The following RGS3 variants were observed in gnomAD, a reference collection of about 807,000 sequenced individuals.
RGS3 encodes the protein regulator of G-protein signalling 3.
Under a neutral mutation model 132.6 loss-of-function variants are expected in RGS3, and 80 were observed. That is an observed-to-expected ratio of 0.60 (90% CI 0.50 to 0.73). The LOEUF (loss-of-function observed/expected upper bound fraction) is 0.73. Ranked by LOEUF, RGS3 falls within the 30% of genes least tolerant of loss-of-function variation. The probability of loss-of-function intolerance (pLI) is 0.00; values close to 1 mark genes in which losing one functional copy is unlikely to be tolerated. For synonymous variants in RGS3, 598 were observed against 620.6 expected (o/e 0.96, Z 0.54); for missense variants, 1,382 against 1,530.8 (o/e 0.90, Z 1.62).
chr9:113,585,646 G>A (rs908203817), intron 20 of RGS3, among the ~76,000 whole-genome samples: 1 of 152,246 alleles, frequency 6.6e-6, no homozygotes, highest in African/African-American at 2.4e-5. Context: ...CAGAGAGGTA[G>A]AGGCAAGCAT....
chr9:113,480,475 AAAAG>A (rs1388749517), intron 4 of RGS3, among the ~76,000 whole-genome samples: 2 of 151,978 alleles, frequency 1.3e-5, no homozygotes, highest in Non-Finnish European at 2.9e-5. Context: ...AAAAAAAAAA[AAAAG>A]AAAACCATAC....
At chr9:113,589,396 G>T (rs530509567) in intron 20 of RGS3, among the ~76,000 whole-genome samples, 2 of 152,158 alleles carry the variant, frequency 1.3e-5, no homozygotes, top group Non-Finnish European at 2.9e-5. Flanking sequence ...CAGCAGCCCA[G>T]GGGGCTGACT....
At chr9:113,518,240 G>A (rs1046052314) in intron 16 of RGS3, among the ~76,000 whole-genome samples, 13 of 152,226 alleles carry the variant, frequency 8.5e-5, no homozygotes, top group Non-Finnish European at 1.5e-4. Context: ...AGAAGTTGGA[G>A]CCCTGGGCTC....
At chr9:113,535,701 G>T (rs1832648962) in intron 18 of RGS3, among the ~76,000 whole-genome samples, 1 of 151,144 alleles carries the variant, frequency 6.6e-6, no homozygotes, top group East Asian at 1.9e-4. Flanking sequence ...GAAAGGGCTG[G>T]ATAGAAACAC....
At position 113,478,534 on chromosome 9, in the gene RGS3, C is replaced by T. The variant is rs185309543; in HGVS notation, c.416-957C>T. On this transcript the variant is annotated intron_variant, in intron 3 of 24. Coordinates refer to ENST00000350696, the Ensembl canonical transcript of RGS3. ...CCTTTAAAAACTCGTCTTTGTGGGG[C>T]GTGGTGGCTCATACCTGTAATCCCA... Among the ~76,000 whole-genome samples the T allele has an allele frequency of 4.6e-5, 7 of 152,186 alleles. No homozygotes were observed. In the East Asian group the frequency reaches 7.7e-4, roughly 17 times the overall value.
intron 18 of RGS3, 99 bp from the exon 17 acceptor site, chr9:113,536,697 G>T: frequency 6.5e-7 from 1 of 1,537,698 alleles, no homozygotes. Flanking sequence ...CCTGGCTGCA[G>T]CCTCACCCTC....
rs769650173 is a variant in RGS3 at position 113,461,976 on chromosome 9, A to G, written c.235-45A>G. 4.4e-6 allele frequency: 7 copies of G among 1,603,060 alleles called. No individual in the cohort carries two copies. The Admixed American group carries it at 6.7e-5, about 15-fold the overall frequency. ...GGAGTGAACACACCTTGCATGGAGC[A>G]TCTTCAGGCCATGGCTAACTCATGC... On this transcript the variant is annotated intron_variant, in intron 2 of 24. Coordinates refer to ENST00000350696, the Ensembl canonical transcript of RGS3.
At chr9:113,533,181 C>T (rs1194789044) in intron 18 of RGS3, among the ~76,000 whole-genome samples, 1 of 152,110 alleles carries the variant, frequency 6.6e-6, no homozygotes, top group East Asian at 1.9e-4. Context: ...GCCCTTCCTG[C>T]CTCTTCACTG....
rs554061537 is a variant in RGS3, at chr9:113,522,085, G to A, written c.1759-845G>A. Among the ~76,000 whole-genome samples, 7 of 152,300 alleles carry A rather than the reference G, an allele frequency of 4.6e-5. No individual in the cohort carries two copies. In the South Asian group the frequency reaches 1.5e-3, roughly 32 times the overall value. ...TTAAAGGATCAAGTGGATTTTCTTA[G>A]CATAAAAATATGCTGAGCGTGCCTG... On this transcript the variant is annotated intron_variant, in intron 16 of 24. Coordinates refer to ENST00000350696, the Ensembl canonical transcript of RGS3.
chr9:113,595,207 G>A (rs935065594), intron 23 of RGS3: 16 of 591,934 alleles, frequency 2.7e-5, no homozygotes, highest in South Asian at 1.2e-4. Flanking sequence ...ACTGCCTGCC[G>A]GAGGCCCGTG....
intron 20 of RGS3, among the ~76,000 whole-genome samples, chr9:113,585,771 A>G (rs1347207221): frequency 6.6e-6 from 1 of 152,154 alleles, no homozygotes; most frequent in Admixed American, 6.5e-5. Flanking sequence ...TTCCTCACCA[A>G]GTTGGGACAT....
At chr9:113,588,933 C>G (rs952666967) in intron 20 of RGS3, among the ~76,000 whole-genome samples, 1 of 152,250 alleles carries the variant, frequency 6.6e-6, no homozygotes, top group Non-Finnish European at 1.5e-5. Context: ...AATTAAAAAT[C>G]TACACTCTTA....
At chr9:113,493,727 C>T (rs1830594449) in intron 7 of RGS3, among the ~76,000 whole-genome samples, 1 of 152,118 alleles carries the variant, frequency 6.6e-6, no homozygotes, top group African/African-American at 2.4e-5. Context: ...AGAGCTTTCT[C>T]CAGGCTCCCA....
At chr9:113,548,978 C>T (rs10981821) in intron 19 of RGS3, among the ~76,000 whole-genome samples, 18,094 of 152,250 alleles carry the variant, frequency 0.12, 1,301 homozygotes, top group African/African-American at 0.19. Flanking sequence ...TGCCACACCT[C>T]CTCTTGCTGG....
At chr9:113,556,054 GTAGAAA>G (rs1465911066) in intron 19 of RGS3, among the ~76,000 whole-genome samples, 2 of 152,188 alleles carry the variant, frequency 1.3e-5, no homozygotes, top group East Asian at 3.8e-4. Flanking sequence ...GTTTGCTTGA[GTAGAAA>G]ATTCTAAGTG....
At position 113,498,760 on chromosome 9, in the gene RGS3, C is replaced by CA. The variant is rs550734263; in HGVS notation, c.897+687dup. Among the ~76,000 whole-genome samples the CA allele has an allele frequency of 5.3e-5, 8 of 151,610 alleles. No homozygotes were observed. The South Asian group carries it at 8.3e-4, about 16-fold the overall frequency. Reference sequence around the variant, plus strand: ...TGAAACCTTGTCTCTACTAAAAATACAAAAAAATTAACTAGACATGGTGCT... The same window carrying CA: ...TGAAACCTTGTCTCTACTAAAAATACAAAAAAAATTAACTAGACATGGTGCT... On this transcript the variant is annotated intron_variant, in intron 10 of 24. Transcript: ENST00000350696.
Position 113,594,287 on chromosome 9 carries a change from G to A in RGS3, c.3081-143G>A, listed in dbSNP as rs376576115. The A allele has an allele frequency of 7.5e-6, 12 of 1,601,288 alleles. No homozygotes were observed. In the African/African-American group the frequency reaches 1.3e-4, roughly 18 times the overall value. The stretch of plus-strand genomic sequence containing the variant: ...GGGGGCCCTACAGAGATGCTCCGAG[G>A]CATGTACCTCACTCGCAACGGGAAC... On this transcript the variant is annotated intron_variant, in intron 21 of 24. Coordinates refer to ENST00000350696, the Ensembl canonical transcript of RGS3.
rs541657407 is a variant in RGS3 at position 113,523,483 on chromosome 9, A to C, written c.1870+442A>C. Among the ~76,000 whole-genome samples, 7 of 152,268 alleles carry C rather than the reference A, an allele frequency of 4.6e-5. No individual in the cohort carries two copies. The South Asian group carries it at 1.2e-3, about 27-fold the overall frequency. ...ATAAATGCAAAGTGCCTGGCCCATA[A>C]CAGGTGCCCAATAAATACTTGTTGC... On this transcript the variant is annotated intron_variant, in intron 17 of 24. Coordinates refer to ENST00000350696, the Ensembl canonical transcript of RGS3.
rs1277703260 is a variant in RGS3, at chr9:113,463,815, C to T, written c.415+1614C>T. The T allele has an allele frequency of 3.1e-6, 5 of 1,612,574 alleles. No individual in the cohort carries two copies. The highest frequency in any genetic ancestry group is 4.2e-6 in the Non-Finnish European group (5 of 1,179,686). ...GCAGTGGGACGCCATGGAGCGCTCC[C>T]TGCACCGCGTCTCCCTCGGGAGCCG... On this transcript the variant is annotated intron_variant, in intron 3 of 24. Transcript: ENST00000350696. The surrounding 1 kb of genome is among the most constrained non-coding windows in gnomAD (Gnocchi z 4.6).
Sources: allele counts gnomAD v4.1 joint callset (sites outside exome capture counted in the v4.1 genomes callset), GRCh38; gene constraint gnomAD v4.1.1; non-coding constraint Gnocchi (gnomAD v3.1); transcripts MANE v1.5; gene names NCBI Gene and HGNC (gene_info 2026-07-23, HGNC 2026-07-21).